Variants in PDE4B observed in about 807,000 individuals in gnomAD.
The protein encoded by PDE4B is phosphodiesterase 4B.
In PDE4B, 20 loss-of-function variants were observed where a neutral mutation model predicts 82.2. The observed-to-expected ratio is 0.24, with a 90% CI of 0.17 to 0.35. The LOEUF (loss-of-function observed/expected upper bound fraction) is 0.35. Among genes scored for constraint, PDE4B ranks in the 10% least tolerant of loss-of-function variants. The pLI is 1.00. For missense variants in PDE4B, 655 were observed against 907.2 expected, an observed-to-expected ratio of 0.72 and a Z score of 3.57; for synonymous variants, 320 against 318.9, an observed-to-expected ratio of 1.00 and a Z score of -0.04.
chr1:66,033,370 T>A (rs879478334), intron 3 of PDE4B, among the ~76,000 whole-genome samples: 2 of 152,220 alleles, frequency 1.3e-5, no homozygotes, highest in Admixed American at 1.3e-4. Context: ...GCCATCTTTC[T>A]TCTTATAGAC....
rs562375239 is a variant in PDE4B, at chr1:66,015,933, T to A, written c.281+97098T>A. Among the ~76,000 whole-genome samples, 92 of 152,316 alleles carry A rather than the reference T, an allele frequency of 6.0e-4. 3 individuals are homozygous for A. The South Asian group carries it at 0.019, about 31-fold the overall frequency. On this transcript the variant is annotated intron_variant, in intron 3 of 16. Transcript: ENST00000341517. ...TCACTTTTCAAAAACTGCTAATAAT[T>A]TTCTATATTCTAGGCACCATTATAG...
intron 9 of PDE4B, chr1:66,360,280 T>G (rs1277796538): frequency 6.6e-6 from 1 of 152,126 alleles, no homozygotes; most frequent in African/African-American, 2.4e-5. Flanking sequence ...TAGGGATGGA[T>G]AATTCCCTTG....
chr1:65,917,866 C>T (rs1252398284), intron 2 of PDE4B, among the ~76,000 whole-genome samples: 2 of 152,168 alleles, frequency 1.3e-5, no homozygotes, highest in Non-Finnish European at 2.9e-5. Context: ...AATATTTTTA[C>T]TTTAAAACAC....
chr1:65,857,472 G>A (rs995007546), intron 1 of PDE4B, among the ~76,000 whole-genome samples: 1 of 152,066 alleles, frequency 6.6e-6, no homozygotes, highest in African/African-American at 2.4e-5. Flanking sequence ...TTTCAAAGGT[G>A]ACTTTAAATA....
At chr1:65,929,308 G>A (rs1647697181) in intron 3 of PDE4B, among the ~76,000 whole-genome samples, 1 of 152,184 alleles carries the variant, frequency 6.6e-6, no homozygotes, top group African/African-American at 2.4e-5. Context: ...TGCCACTACT[G>A]GGGATGGGGA....
At chr1:66,124,712 A>G (rs1400683514) in intron 3 of PDE4B, among the ~76,000 whole-genome samples, 1 of 151,962 alleles carries the variant, frequency 6.6e-6, no homozygotes, top group Non-Finnish European at 1.5e-5. Flanking sequence ...GTTTTGTTCA[A>G]TGTTGTTTCC....
chr1:66,177,780 A>G (rs1018270549), intron 3 of PDE4B, among the ~76,000 whole-genome samples: 6 of 152,184 alleles, frequency 3.9e-5, no homozygotes, highest in African/African-American at 9.7e-5. Context: ...ATTGATTTCC[A>G]AGTAAGCCAC....
At chr1:66,266,762 A>G (rs1291652998) in intron 7 of PDE4B, 6 of 493,114 alleles carry the variant, frequency 1.2e-5, no homozygotes, top group Non-Finnish European at 2.5e-5. Flanking sequence ...TGGAACTGAA[A>G]TTCTTCTTCA....
chr1:65,937,346 G>A (rs1648207764), intron 3 of PDE4B, among the ~76,000 whole-genome samples: 1 of 152,200 alleles, frequency 6.6e-6, no homozygotes, highest in Admixed American at 6.5e-5. Context: ...GTTCACTGAG[G>A]TGGGGGCTCT....
chr1:66,114,520 CTT>C (rs754493150), intron 3 of PDE4B, among the ~76,000 whole-genome samples: 1 of 152,024 alleles, frequency 6.6e-6, no homozygotes, highest in South Asian at 2.1e-4. Flanking sequence ...AATAACGTAA[CTT>C]ATATGCAAAT....
Position 66,308,311 on chromosome 1 carries a change from A to G in PDE4B, c.635-24197A>G, listed in dbSNP as rs565157314. The stretch of plus-strand genomic sequence containing the variant: ...GGTTATAGATGTCAAGGTGCAAGGA[A>G]TTAGAGAGTTCATGGATTTTTTTCC... On this transcript the variant is annotated intron_variant, in intron 7 of 16. Coordinates refer to ENST00000341517, the MANE Select transcript of PDE4B (RefSeq NM_002600.4). Among the ~76,000 whole-genome samples the G allele has an allele frequency of 7.9e-5, 12 of 152,304 alleles. No individual in the cohort carries two copies. The East Asian group carries it at 1.2e-3, about 15-fold the overall frequency.
At chr1:66,268,973 C>T (rs995990667) in intron 7 of PDE4B, among the ~76,000 whole-genome samples, 1 of 152,124 alleles carries the variant, frequency 6.6e-6, no homozygotes, top group African/African-American at 2.4e-5. Context: ...ACTCATGGTG[C>T]TTTCGCATAG....
intron 7 of PDE4B, among the ~76,000 whole-genome samples, chr1:66,272,941 C>T (rs573748775): frequency 6.6e-5 from 10 of 151,716 alleles, no homozygotes; most frequent in Non-Finnish European, 4.4e-5. Flanking sequence ...CAGGACCCCA[C>T]CACCGTGCCC....
intron 8 of PDE4B, among the ~76,000 whole-genome samples, chr1:66,346,487 T>C (rs1197658131): frequency 5.3e-5 from 8 of 152,242 alleles, no homozygotes; most frequent in Admixed American, 4.6e-4. Flanking sequence ...TTTTGAGTTA[T>C]GGTGCTTTTC....
intron 1 of PDE4B, among the ~76,000 whole-genome samples, chr1:65,821,545 TA>T (rs373439240): frequency 3.3e-5 from 5 of 152,176 alleles, no homozygotes; most frequent in East Asian, 1.9e-4. Context: ...TCATGAAAAC[TA>T]AAAAAAACCT....
At chr1:66,310,714 C>A (rs746961106) in intron 7 of PDE4B, among the ~76,000 whole-genome samples, 4 of 152,272 alleles carry the variant, frequency 2.6e-5, no homozygotes, top group Admixed American at 6.5e-5. Flanking sequence ...TGTACAGCTA[C>A]GTGCTAATGC....
At chr1:66,197,498 C>T (rs1206804848) in intron 3 of PDE4B, among the ~76,000 whole-genome samples, 11 of 152,180 alleles carry the variant, frequency 7.2e-5, no homozygotes, top group Admixed American at 3.9e-4. Context: ...GTATTTAAAA[C>T]GGAATATTCA....
rs560314283 is a variant in PDE4B at position 65,833,298 on chromosome 1, C to T, written c.-71+40050C>T. ...GTATATAAAGAGATAAATTATGCAA[C>T]CGCTTTGTTAGAAGCAAAGCTGCAC... On this transcript the variant is annotated intron_variant, in intron 1 of 16. Transcript: ENST00000341517. Among the ~76,000 whole-genome samples, 14 of 152,310 alleles carry T rather than the reference C, an allele frequency of 9.2e-5. No individual in the cohort carries two copies. The East Asian group carries it at 1.9e-3, about 21-fold the overall frequency.
At chr1:66,225,543 T>C (rs1183590260) in intron 3 of PDE4B, among the ~76,000 whole-genome samples, 1 of 152,214 alleles carries the variant, frequency 6.6e-6, no homozygotes, top group African/African-American at 2.4e-5. Context: ...TAGGCACAGG[T>C]ATACCAGCTC....
Sources: allele counts gnomAD v4.1 joint callset (sites outside exome capture counted in the v4.1 genomes callset), GRCh38; gene constraint gnomAD v4.1.1; transcripts MANE v1.5; gene names NCBI Gene and HGNC (gene_info 2026-07-23, HGNC 2026-07-21).